Variants in CAMTA1 observed in about 807,000 individuals in gnomAD.
CAMTA1 encodes calmodulin-binding transcription activator 1.
In CAMTA1, 27 loss-of-function variants were observed where a neutral mutation model predicts 170.9. The observed-to-expected ratio is 0.16, with a 90% CI of 0.12 to 0.22. The LOEUF (loss-of-function observed/expected upper bound fraction) is 0.22, where lower values mean the gene tolerates loss of function less well. Among genes scored for constraint, CAMTA1 ranks in the 10% least tolerant of loss-of-function variants. The pLI is 1.00. For synonymous variants in CAMTA1, 833 were observed against 891.5 expected, an observed-to-expected ratio of 0.93 and a Z score of 1.17; for missense variants, 1,619 against 2,217.2, an observed-to-expected ratio of 0.73 and a Z score of 5.42.
chr1:7,395,592 T>G (rs1172200637), intron 5 of CAMTA1, among the ~76,000 whole-genome samples: 1 of 152,238 alleles, frequency 6.6e-6, no homozygotes, highest in Non-Finnish European at 1.5e-5. Flanking sequence ...CCTGATTGTT[T>G]TATCTGTTTC....
At chr1:6,945,911 G>A (rs1687500630) in intron 3 of CAMTA1, among the ~76,000 whole-genome samples, 1 of 152,120 alleles carries the variant, frequency 6.6e-6, no homozygotes, top group African/African-American at 2.4e-5. Flanking sequence ...GTTAGTCGAC[G>A]GACAATAGGT....
intron 3 of CAMTA1, among the ~76,000 whole-genome samples, chr1:7,032,695 T>G (rs1288592360): frequency 6.6e-6 from 1 of 152,124 alleles, no homozygotes; most frequent in African/African-American, 2.4e-5. Flanking sequence ...TTTTTTTCCC[T>G]TCTGCCTGAA....
chr1:7,382,863 G>GATAGATAGATAGAT (rs1553152179), intron 5 of CAMTA1: 2 of 136,736 alleles, frequency 1.5e-5, no homozygotes, highest in African/African-American at 5.3e-5. Context: ...TAGATAGATA[G>GATAGATAGATAGAT]ATAGATAGAT....
chr1:7,009,748 C>G (rs12061141), intron 3 of CAMTA1, among the ~76,000 whole-genome samples: 1 of 151,996 alleles, frequency 6.6e-6, no homozygotes, highest in Non-Finnish European at 1.5e-5. Context: ...TGAGTTGGTC[C>G]GTGCAGAGCC....
In CAMTA1 at chr1:7,247,236, G is replaced by A. The variant is rs147237380; in HGVS notation, c.303-2255G>A. Among the ~76,000 whole-genome samples, 359 of 152,372 alleles carry A rather than the reference G, an allele frequency of 2.4e-3. 1 individual carries two copies. Among genetic ancestry groups the A allele is most frequent in the Non-Finnish European group, 3.5e-3 (238 of 68,038 alleles). Reference sequence around the variant, plus strand: ...GGATTGTATCCTGCTGAAAGTGCCGGATGACAGGGCTACTCTCAGAATGCC... The same window carrying A: ...GGATTGTATCCTGCTGAAAGTGCCGAATGACAGGGCTACTCTCAGAATGCC... On this transcript the variant is annotated intron_variant, in intron 4 of 22. Transcript: ENST00000303635.
chr1:7,655,511 C>T (rs759778872), intron 7 of CAMTA1, among the ~76,000 whole-genome samples: 7 of 122,982 alleles, frequency 5.7e-5, no homozygotes, highest in Non-Finnish European at 8.6e-5. Flanking sequence ...CATACACACA[C>T]CTATGTACAC....
intron 5 of CAMTA1, among the ~76,000 whole-genome samples, chr1:7,419,748 G>C (rs2149306695): frequency 6.6e-6 from 1 of 152,186 alleles, no homozygotes; most frequent in Non-Finnish European, 1.5e-5. Flanking sequence ...GCCTCCTCCT[G>C]TCATCCCACC....
chr1:7,333,826 A>G lies in CAMTA1; in HGVS notation c.438+84200A>G, dbSNP rs564435275. 2.9e-4 allele frequency among the ~76,000 whole-genome samples: 44 copies of G among 152,304 alleles called. No individual in the cohort carries two copies. The highest frequency in any genetic ancestry group is 9.9e-4 in the African/African-American group (41 of 41,560). ...TAAAGCATTTTTGTAGCCTCCTCAA[A>G]ATCCTCTCTCTGTGTTTACATTTTA... On this transcript the variant is annotated intron_variant, in intron 5 of 22. Coordinates refer to ENST00000303635, the MANE Select transcript of CAMTA1 (RefSeq NM_015215.4). This position sits in a 1 kb window ranked among gnomAD's most constrained non-coding sequence, Gnocchi z 4.4.
chr1:7,370,821 T>C (rs1277499205), intron 5 of CAMTA1, among the ~76,000 whole-genome samples: 3 of 152,270 alleles, frequency 2.0e-5, no homozygotes, highest in East Asian at 1.9e-4. Context: ...CACATGTCTA[T>C]ATCCCCCTTG....
In CAMTA1 at chr1:7,044,177, C is replaced by A. The variant is rs912399272; in HGVS notation, c.235-47127C>A. 6.6e-6 allele frequency among the ~76,000 whole-genome samples: 1 copy of A among 152,216 alleles called. No individual in the cohort carries two copies. Among genetic ancestry groups the A allele is most frequent in the African/African-American group, 2.4e-5 (1 of 41,456 alleles). ...CATATGCACACACATGCATGCACAG[C>A]GCATGGCTGGGGCTGCAGAGCAGGC... On this transcript the variant is annotated intron_variant, in intron 3 of 22. Transcript: ENST00000303635. This position sits in a 1 kb window ranked among gnomAD's most constrained non-coding sequence, Gnocchi z 5.0.
intron 3 of CAMTA1, among the ~76,000 whole-genome samples, chr1:6,957,152 T>C (rs1317163490): frequency 1.3e-5 from 2 of 152,136 alleles, no homozygotes; most frequent in African/African-American, 4.8e-5. Flanking sequence ...GAAAGAAGCA[T>C]GTATGCCGCA....
At chr1:7,497,551 C>A (rs1419068721) in intron 6 of CAMTA1, among the ~76,000 whole-genome samples, 3 of 152,232 alleles carry the variant, frequency 2.0e-5, no homozygotes, top group Non-Finnish European at 2.9e-5. Flanking sequence ...GTTGCTTCAC[C>A]CACACGTTCC....
chr1:7,549,045 G>C (rs549901103), intron 6 of CAMTA1, among the ~76,000 whole-genome samples: 197 of 135,646 alleles, frequency 1.5e-3, no homozygotes, highest in African/African-American at 5.2e-3. Context: ...CATGGAAGGT[G>C]CCCCCTTAGG....
intron 6 of CAMTA1, among the ~76,000 whole-genome samples, chr1:7,507,842 A>AC (rs1575704839): frequency 1.3e-5 from 2 of 151,852 alleles, no homozygotes; most frequent in Admixed American, 1.3e-4. Context: ...ACAAGCCTCC[A>AC]CCCCACCTCC....
chr1:7,674,510 G>C lies in CAMTA1; in HGVS notation c.2780-3089G>C, dbSNP rs1244102008. ...ATTCAAAATGAAAGCCAGGCACAGT[G>C]GCTCATGCCTGTAATCCTAGCATGT... is the stretch of plus-strand genomic sequence containing the variant. On this transcript the variant is annotated intron_variant, in intron 10 of 22. Transcript: ENST00000303635. This position sits in a 1 kb window ranked among gnomAD's most constrained non-coding sequence, Gnocchi z 4.1. Among the ~76,000 whole-genome samples, 1 of 152,206 alleles carries C rather than the reference G, an allele frequency of 6.6e-6. No homozygotes were observed. Among genetic ancestry groups the C allele is most frequent in the Non-Finnish European group, 1.5e-5 (1 of 68,036 alleles).
intron 4 of CAMTA1, among the ~76,000 whole-genome samples, chr1:7,105,820 G>T (rs1028652617): frequency 1.3e-5 from 2 of 151,912 alleles, no homozygotes; most frequent in Admixed American, 6.6e-5. Context: ...GTGCACCTGT[G>T]GTCCCAGCTA....
intron 4 of CAMTA1, among the ~76,000 whole-genome samples, chr1:7,108,858 G>T (rs1432305923): frequency 6.6e-6 from 1 of 152,170 alleles, no homozygotes; most frequent in Non-Finnish European, 1.5e-5. Context: ...AACTTAGCCA[G>T]GTCTCAAGGT....
In CAMTA1 at chr1:7,471,798, C is replaced by T. The variant is rs533653834; in HGVS notation, c.510+3897C>T. 3.9e-4 allele frequency among the ~76,000 whole-genome samples: 60 copies of T among 152,306 alleles called. 1 individual carries two copies. The South Asian group carries it at 0.012, about 30-fold the overall frequency. ...CCTGTTTGGGATTTTCTGATGGTTTCGAGGGGTAGGCAGCAGAGGTTCAGG... is the reference window on the plus strand; with the variant it reads ...CCTGTTTGGGATTTTCTGATGGTTTTGAGGGGTAGGCAGCAGAGGTTCAGG... On this transcript the variant is annotated intron_variant, in intron 6 of 22. Transcript: ENST00000303635.
intron 6 of CAMTA1, among the ~76,000 whole-genome samples, chr1:7,616,096 T>C (rs1253227188): frequency 1.3e-5 from 2 of 152,264 alleles, no homozygotes; most frequent in Admixed American, 6.5e-5. Context: ...CAAATTTAAC[T>C]TGGATGATGA....
Sources: gnomAD v4.1 joint callset for allele counts (sites outside exome capture counted in the v4.1 genomes callset) on GRCh38, gnomAD v4.1.1 for gene constraint, Gnocchi (gnomAD v3.1) non-coding constraint, MANE v1.5 for transcripts, NCBI Gene and HGNC (gene_info 2026-07-23, HGNC 2026-07-21) for gene names.